LHFPL2: variants seen among roughly 807,000 people sequenced by gnomAD.
The protein encoded by LHFPL2 is LHFPL tetraspan subfamily member 2 protein.
Under a neutral mutation model 17.5 loss-of-function variants are expected in LHFPL2, and 7 were observed. That is an observed-to-expected ratio of 0.40 (90% CI 0.23 to 0.75). The LOEUF (loss-of-function observed/expected upper bound fraction) is 0.75, where lower values mean the gene tolerates loss of function less well. LHFPL2 is among the 30% of genes least tolerant of loss of function. The pLI is 0.37. For missense variants in LHFPL2, 241 were observed against 294.8 expected, an observed-to-expected ratio of 0.82 and a Z score of 1.34; for synonymous variants, 134 against 116.2, an observed-to-expected ratio of 1.15 and a Z score of -0.99.
chr5:78,586,153 A>T (rs1272088203), intron 2 of LHFPL2, among the ~76,000 whole-genome samples: 1 of 152,178 alleles, frequency 6.6e-6, no homozygotes, highest in African/African-American at 2.4e-5. Context: ...CCCAGCTCCC[A>T]TGGGTGGTAA....
intron 3 of LHFPL2, among the ~76,000 whole-genome samples, chr5:78,537,173 C>T (rs1233113121): frequency 4.6e-5 from 7 of 152,202 alleles, no homozygotes; most frequent in Admixed American, 4.6e-4. Context: ...CATGCTCTGG[C>T]CCCAGATCTG....
At chr5:78,604,364 C>A (rs950095414) in intron 2 of LHFPL2, among the ~76,000 whole-genome samples, 8 of 152,080 alleles carry the variant, frequency 5.3e-5, no homozygotes, top group Non-Finnish European at 1.0e-4. Flanking sequence ...GTAATCCCAG[C>A]TACTCGGGAG....
intron 2 of LHFPL2, among the ~76,000 whole-genome samples, chr5:78,580,846 A>G (rs1743104922): frequency 6.6e-6 from 1 of 152,046 alleles, no homozygotes; most frequent in African/African-American, 2.4e-5. Context: ...TTTTGGTTCC[A>G]TATGAACTTT....
intron 3 of LHFPL2, among the ~76,000 whole-genome samples, chr5:78,534,753 T>C (rs1755894645): frequency 6.6e-6 from 1 of 152,236 alleles, no homozygotes; most frequent in African/African-American, 2.4e-5. Context: ...GGAGGCCCCA[T>C]CAACAGCAAA....
chr5:78,526,915 C>T (rs1755636702), intron 3 of LHFPL2, among the ~76,000 whole-genome samples: 1 of 152,092 alleles, frequency 6.6e-6, no homozygotes, highest in East Asian at 1.9e-4. Flanking sequence ...ACATCCATAG[C>T]CCAGCTTGGA....
intron 2 of LHFPL2, among the ~76,000 whole-genome samples, chr5:78,620,048 AT>A (rs1420744034): frequency 1.7e-5 from 2 of 114,832 alleles, no homozygotes; most frequent in Non-Finnish European, 3.6e-5. Flanking sequence ...GTCAAATGGT[AT>A]TTCTAGTTCT....
At chr5:78,610,351 T>A (rs1184831392) in intron 2 of LHFPL2, among the ~76,000 whole-genome samples, 1 of 152,136 alleles carries the variant, frequency 6.6e-6, no homozygotes, top group Non-Finnish European at 1.5e-5. Context: ...CACGAAAAGG[T>A]CTGGGAGAAG....
Position 78,627,198 on chromosome 5 carries a change from C to T in LHFPL2, c.-245+5066G>A, listed in dbSNP as rs961649157. Among the ~76,000 whole-genome samples the T allele has an allele frequency of 5.9e-5, 9 of 152,236 alleles. 1 individual carries two copies. Among genetic ancestry groups the T allele is most frequent in the Admixed American group, 4.6e-4 (7 of 15,298 alleles). The stretch of plus-strand genomic sequence containing the variant: ...GAGACAGTAAGGGTGTGAATGAAGA[C>T]GGACATGGGAAAGGCTGAGCCCCAG... On this transcript the variant is annotated intron_variant, in intron 2 of 4. Coordinates refer to ENST00000380345, the MANE Select transcript of LHFPL2 (RefSeq NM_005779.3).
At chr5:78,515,979 T>A (rs1456201936) in intron 3 of LHFPL2, among the ~76,000 whole-genome samples, 1 of 152,170 alleles carries the variant, frequency 6.6e-6, no homozygotes, top group Non-Finnish European at 1.5e-5. Context: ...CCAGCTCATC[T>A]GTTGTCTGAT....
chr5:78,552,117 T>A (rs1321983940), intron 3 of LHFPL2, among the ~76,000 whole-genome samples: 1 of 151,472 alleles, frequency 6.6e-6, no homozygotes, highest in Non-Finnish European at 1.5e-5. Flanking sequence ...TATTAATCAA[T>A]CTGCCTCATG....
At chr5:78,614,459 C>A (rs115532422) in intron 2 of LHFPL2, among the ~76,000 whole-genome samples, 1 of 152,218 alleles carries the variant, frequency 6.6e-6, no homozygotes, top group Non-Finnish European at 1.5e-5. Context: ...CTAAGCTCCA[C>A]CTCTGGAATT....
rs189958186 is a variant in LHFPL2, at chr5:78,639,618, G to A, written c.-349-7250C>T. Among the ~76,000 whole-genome samples the A allele has an allele frequency of 7.5e-4, 106 of 140,502 alleles. 1 individual carries two copies. Among genetic ancestry groups the A allele is most frequent in the African/African-American group, 2.3e-3 (86 of 36,816 alleles). 92.2% of individuals were successfully genotyped at this position (140,502 alleles called of 152,430 possible). A position where few individuals can be genotyped will look rare whatever the true frequency, so the allele number is the denominator to read the frequency against. ...GAATGTAGAATCATCTTCTAAGAAC[G>A]GACAGTTGGCCATTTTAAAAAAAAA... On this transcript the variant is annotated intron_variant, in intron 1 of 4. Coordinates refer to ENST00000380345, the MANE Select transcript of LHFPL2 (RefSeq NM_005779.3).
chr5:78,490,746 C>CAAAAAAAAAAAAAAAAAAAAAA lies in LHFPL2; in HGVS notation c.431-1594_431-1593insTTTTTTTTTTTTTTTTTTTTTT, dbSNP rs370809060. ...CTGGCAAAAGAGTGAGACTCCCTCT[C>CAAAAAAAAAAAAAAAAAAAAAA]AAAAAAAAAAAAAAAAAAGCAAGAT... On this transcript the variant is annotated intron_variant, in intron 4 of 4. Coordinates refer to ENST00000380345, the MANE Select transcript of LHFPL2 (RefSeq NM_005779.3). 2.2e-5 allele frequency among the ~76,000 whole-genome samples: 2 copies of CAAAAAAAAAAAAAAAAAAAAAA among 92,124 alleles called. 1 individual carries two copies. The highest frequency in any genetic ancestry group is 9.7e-5 in the African/African-American group (2 of 20,598). The allele number at this position is 92,124 out of a possible 152,430, so 60.4% of individuals were successfully genotyped here.
chr5:78,496,300 G>C (rs1325646236), intron 4 of LHFPL2, among the ~76,000 whole-genome samples: 1 of 152,150 alleles, frequency 6.6e-6, no homozygotes, highest in African/African-American at 2.4e-5. Context: ...ATTCTAATGA[G>C]ACATTGCAAC....
chr5:78,499,136 T>C (rs1416855658), intron 4 of LHFPL2, among the ~76,000 whole-genome samples: 1 of 152,218 alleles, frequency 6.6e-6, no homozygotes, highest in Non-Finnish European at 1.5e-5. Flanking sequence ...AAAGGTCTTC[T>C]ATAGTAAAAA....
At chr5:78,554,840 C>T (rs905619168) in intron 3 of LHFPL2, among the ~76,000 whole-genome samples, 3 of 152,160 alleles carry the variant, frequency 2.0e-5, no homozygotes, top group Non-Finnish European at 4.4e-5. Context: ...TTTCCAACTT[C>T]CATGGTATTA....
At chr5:78,585,107 C>T (rs1341752974) in intron 2 of LHFPL2, among the ~76,000 whole-genome samples, 1 of 103,818 alleles carries the variant, frequency 9.6e-6, no homozygotes, top group African/African-American at 3.4e-5. Flanking sequence ...CCCGGGTTCA[C>T]GCCATTCTCC....
At position 78,570,614 on chromosome 5, in the gene LHFPL2, T is replaced by C. The variant is rs73146020; in HGVS notation, c.-244-5743A>G. Among the ~76,000 whole-genome samples the C allele has an allele frequency of 6.9e-3, 1,026 of 147,768 alleles. 15 individuals carry two copies. Among genetic ancestry groups the C allele is most frequent in the African/African-American group, 0.025 (991 of 40,036 alleles). ...ACTGTCTTGCTTTTAACCTTGAATA[T>C]ATATATACGTATATATATAGTATAT... On this transcript the variant is annotated intron_variant, in intron 2 of 4. Coordinates refer to ENST00000380345, the MANE Select transcript of LHFPL2 (RefSeq NM_005779.3).
In LHFPL2 at chr5:78,485,350, A is replaced by G. The variant is rs1270937159; in HGVS notation, c.*3547T>C. 1.3e-5 allele frequency: 2 copies of G among 152,658 alleles called. No individual in the cohort carries two copies. The allele number at this position is 152,658 out of a possible 1,614,324, so 9.5% of individuals were successfully genotyped here. On this transcript the variant is annotated 3_prime_UTR_variant, in exon 5 of 5. Coordinates refer to ENST00000380345, the MANE Select transcript of LHFPL2 (RefSeq NM_005779.3). The stretch of plus-strand genomic sequence containing the variant: ...TAGTTTACAATATAATAGGATAACT[A>G]CAAGTTTGAAGGCTCAAATTGAGTC...
Sources: gnomAD v4.1 joint callset for allele counts (sites outside exome capture counted in the v4.1 genomes callset) on GRCh38, gnomAD v4.1.1 for gene constraint, MANE v1.5 for transcripts, NCBI Gene and HGNC (gene_info 2026-07-23, HGNC 2026-07-21) for gene names.